The following FER variants were observed in gnomAD, a reference collection of about 807,000 sequenced individuals.
FER encodes tyrosine-protein kinase Fer.
A neutral mutation model predicts 111.0 loss-of-function variants in FER; 63 were observed. The observed-to-expected ratio is 0.57, with a 90% CI of 0.46 to 0.70. The LOEUF is 0.70. Among genes scored for constraint, FER ranks in the 30% least tolerant of loss-of-function variants. The probability of loss-of-function intolerance (pLI) is 0.00; values close to 1 mark genes in which losing one functional copy is unlikely to be tolerated. For missense variants in FER, 914 were observed against 954.0 expected, an observed-to-expected ratio of 0.96 and a Z score of 0.55; for synonymous variants, 327 against 313.9, an observed-to-expected ratio of 1.04 and a Z score of -0.44.
At chr5:109,084,123 C>T (rs73779124) in intron 16 of FER, among the ~76,000 whole-genome samples, 17,496 of 151,944 alleles carry the variant, frequency 0.12, 1,057 homozygotes, top group Non-Finnish European at 0.14. Flanking sequence ...ATTGAATCCT[C>T]TCTCATACAC....
intron 16 of FER, among the ~76,000 whole-genome samples, chr5:109,096,652 T>G (rs1582011026): frequency 7.0e-6 from 1 of 142,792 alleles, no homozygotes; most frequent in Non-Finnish European, 1.6e-5. Context: ...CCTCTCAGTG[T>G]TATCTAATCT....
At chr5:108,932,183 C>T (rs764691732) in intron 10 of FER, among the ~76,000 whole-genome samples, 7 of 152,082 alleles carry the variant, frequency 4.6e-5, no homozygotes, top group Non-Finnish European at 1.0e-4. Context: ...CCCCCTACCC[C>T]CTGACAGGCC....
intron 17 of FER, among the ~76,000 whole-genome samples, chr5:109,121,180 G>C (rs1185578550): frequency 6.6e-6 from 1 of 152,012 alleles, no homozygotes; most frequent in Admixed American, 6.6e-5. Flanking sequence ...CTAGATCTTA[G>C]AGGAAAGGCT....
rs549775009 is a variant in FER, at chr5:108,846,686, C to T, written c.481+10879C>T. 1.7e-3 allele frequency among the ~76,000 whole-genome samples: 265 copies of T among 152,080 alleles called. 2 individuals are homozygous for T. The highest frequency in any genetic ancestry group is 5.8e-3 in the African/African-American group (241 of 41,514). On this transcript the variant is annotated intron_variant, in intron 5 of 19. Coordinates refer to ENST00000281092, the MANE Select transcript of FER (RefSeq NM_005246.4). ...CGAGCTCTGCCTCCCGGGTTCACGC[C>T]ATTCTCCTGTCTCAGCCTCCCAAGT...
At chr5:108,886,239 A>G (rs975352809) in intron 9 of FER, among the ~76,000 whole-genome samples, 10 of 151,834 alleles carry the variant, frequency 6.6e-5, no homozygotes, top group Non-Finnish European at 1.2e-4. Context: ...CTTTTTATCT[A>G]CATAATGGGT....
At chr5:108,756,011 G>A (rs1751058300) in intron 1 of FER, among the ~76,000 whole-genome samples, 1 of 150,852 alleles carries the variant, frequency 6.6e-6, no homozygotes, top group Non-Finnish European at 1.5e-5. Context: ...AAAATTAGCT[G>A]GGTGTGATGG....
rs148672507 is a variant in FER at position 109,018,600 on chromosome 5, A to T, written c.1657-18822A>T. Among the ~76,000 whole-genome samples the T allele has an allele frequency of 4.4e-4, 67 of 151,872 alleles. 1 individual carries two copies. The highest frequency in any genetic ancestry group is 1.5e-3 in the African/African-American group (62 of 41,510). Reference sequence around the variant, plus strand: ...TATCAGTCTGAGCTTCCATTTCCTTATCTGTAAATTGTGGTTGTGTGGTAG... The same window carrying T: ...TATCAGTCTGAGCTTCCATTTCCTTTTCTGTAAATTGTGGTTGTGTGGTAG... On this transcript the variant is annotated intron_variant, in intron 13 of 19. Transcript: ENST00000281092.
At position 109,196,161 on chromosome 5, in the gene FER, T is replaced by G. The variant is rs564978556; in HGVS notation, c.*8586T>G. ...AAATGTACAAATGGTGCCCATGCCA[T>G]TCATTTGACTGTGGGTGGCCCTCTA... On this transcript the variant is annotated 3_prime_UTR_variant, in exon 20 of 20. Coordinates refer to ENST00000281092, the MANE Select transcript of FER (RefSeq NM_005246.4). 4 of 152,322 alleles carry G rather than the reference T, an allele frequency of 2.6e-5. No individual in the cohort carries two copies. Among genetic ancestry groups the G allele is most frequent in the African/African-American group, 9.6e-5 (4 of 41,572 alleles). The allele number at this position is 152,322 out of a possible 1,614,324, so 9.4% of individuals were successfully genotyped here.
At chr5:108,966,215 T>C (rs1358591710) in intron 13 of FER, among the ~76,000 whole-genome samples, 1 of 152,142 alleles carries the variant, frequency 6.6e-6, no homozygotes, top group African/African-American at 2.4e-5. Context: ...TTGCCTACTT[T>C]ATAAATATTT....
At chr5:109,009,251 G>C (rs916070557) in intron 13 of FER, among the ~76,000 whole-genome samples, 4 of 151,808 alleles carry the variant, frequency 2.6e-5, no homozygotes, top group African/African-American at 9.7e-5. Context: ...GGCCAGGCTG[G>C]TCTTGAACTC....
At chr5:109,112,269 G>A (rs905772377) in intron 17 of FER, among the ~76,000 whole-genome samples, 4 of 151,644 alleles carry the variant, frequency 2.6e-5, no homozygotes, top group African/African-American at 9.7e-5. Flanking sequence ...AGATACCAAG[G>A]TATATTAGAA....
At chr5:108,911,258 G>A (rs959721196) in intron 10 of FER, among the ~76,000 whole-genome samples, 1 of 151,964 alleles carries the variant, frequency 6.6e-6, no homozygotes, top group African/African-American at 2.4e-5. Flanking sequence ...TCTTGGTCAT[G>A]TGTATGTCTT....
intron 10 of FER, among the ~76,000 whole-genome samples, chr5:108,909,419 A>G (rs1751243927): frequency 6.6e-6 from 1 of 152,220 alleles, no homozygotes; most frequent in Non-Finnish European, 1.5e-5. Context: ...TTTCTCTATC[A>G]CAGTGTATCT....
intron 4 of FER, among the ~76,000 whole-genome samples, chr5:108,833,542 A>T (rs1458007225): frequency 1.3e-5 from 2 of 151,044 alleles, no homozygotes; most frequent in Non-Finnish European, 2.9e-5. Flanking sequence ...ATCCATAAAT[A>T]TTTTAGAATG....
At chr5:108,873,948 A>G (rs893317717) in intron 8 of FER, among the ~76,000 whole-genome samples, 4 of 152,216 alleles carry the variant, frequency 2.6e-5, no homozygotes, top group African/African-American at 9.6e-5. Context: ...ATTCCTGTGC[A>G]GTGAGACATT....
At chr5:108,827,841 T>TTTTC (rs1554073127) in intron 3 of FER, among the ~76,000 whole-genome samples, 3 of 148,860 alleles carry the variant, frequency 2.0e-5, no homozygotes, top group African/African-American at 4.9e-5. Context: ...TTTTTTTTTT[T>TTTTC]CCCCCAAGAC....
chr5:108,954,684 A>T (rs1758205064), intron 11 of FER, 45 bp from the exon 12 acceptor site: 3 of 1,321,064 alleles, frequency 2.3e-6, no homozygotes, highest in Admixed American at 5.7e-5. Context: ...GAAAATAATC[A>T]GTATTTTCTC....
At chr5:108,849,971 C>T (rs1215339606) in intron 5 of FER, among the ~76,000 whole-genome samples, 1 of 152,104 alleles carries the variant, frequency 6.6e-6, no homozygotes, top group Non-Finnish European at 1.5e-5. Flanking sequence ...GCGGGTGGAT[C>T]ATGAGGTCAA....
chr5:108,818,712 G>A (rs922310403), intron 3 of FER, among the ~76,000 whole-genome samples: 3 of 152,052 alleles, frequency 2.0e-5, no homozygotes, highest in African/African-American at 7.2e-5. Flanking sequence ...TTCTGTTCAG[G>A]GAGATTTGAG....
Sources: gnomAD v4.1 joint callset for allele counts (sites outside exome capture counted in the v4.1 genomes callset) on GRCh38, gnomAD v4.1.1 for gene constraint, MANE v1.5 for transcripts, NCBI Gene and HGNC (gene_info 2026-07-23, HGNC 2026-07-21) for gene names.